The following SRBD1 variants were observed in gnomAD, a reference collection of about 807,000 sequenced individuals.
SRBD1 encodes the protein S1 RNA binding domain 1.
Under a neutral mutation model 115.3 loss-of-function variants are expected in SRBD1, and 88 were observed. That is an observed-to-expected ratio of 0.76 (90% confidence interval 0.64 to 0.91). The LOEUF is 0.91. SRBD1 is among the 40% of genes least tolerant of loss of function. The pLI is 0.00. For synonymous variants in SRBD1, 509 were observed against 407.7 expected, an observed-to-expected ratio of 1.25 and a Z score of -2.99; for missense variants, 1,385 against 1,177.4, an observed-to-expected ratio of 1.18 and a Z score of -2.58.
chr2:45,522,122 A>C (rs1191555836), intron 14 of SRBD1, among the ~76,000 whole-genome samples: 2 of 152,210 alleles, frequency 1.3e-5, no homozygotes, highest in Non-Finnish European at 2.9e-5. Flanking sequence ...TGGATAAACA[A>C]AATATCGTAT....
At chr2:45,509,938 T>C (rs548706421) in intron 14 of SRBD1, among the ~76,000 whole-genome samples, 18 of 152,276 alleles carry the variant, frequency 1.2e-4, no homozygotes, top group Non-Finnish European at 2.4e-4. Context: ...TCTCACTACG[T>C]TGCCCAGGCT....
intron 4 of SRBD1, among the ~76,000 whole-genome samples, chr2:45,595,926 C>G (rs531008907): frequency 6.6e-6 from 1 of 152,254 alleles, no homozygotes; most frequent in Non-Finnish European, 1.5e-5. Context: ...AACCACTTCC[C>G]AATTCACAGG....
rs3064241 is a variant in SRBD1, at chr2:45,550,493, C to CAAAA, written c.1675+628_1675+631dup. On this transcript the variant is annotated intron_variant, in intron 12 of 20. Transcript: ENST00000263736. ...ACTTCTCAACAAAAATTACAGTAGC[C>CAAAA]AAAAAAAAAAAAAAGAATGACATCT... is the stretch of plus-strand genomic sequence containing the variant. 9.1e-3 allele frequency among the ~76,000 whole-genome samples: 1,234 copies of CAAAA among 135,652 alleles called. 24 individuals carry two copies. The highest frequency in any genetic ancestry group is 0.031 in the African/African-American group (1,139 of 36,702). 89.0% of individuals were successfully genotyped at this position (135,652 alleles called of 152,430 possible).
At chr2:45,485,896 A>G (rs548737549) in intron 15 of SRBD1, among the ~76,000 whole-genome samples, 3 of 152,326 alleles carry the variant, frequency 2.0e-5, no homozygotes, top group East Asian at 3.9e-4. Context: ...AGAGACTCCA[A>G]GCTCTTTGAA....
intron 16 of SRBD1, among the ~76,000 whole-genome samples, chr2:45,428,726 A>C (rs892747076): frequency 1.3e-5 from 2 of 152,152 alleles, no homozygotes; most frequent in African/African-American, 4.8e-5. Context: ...AAGATCTAAA[A>C]TTGACACTCT....
intron 14 of SRBD1, among the ~76,000 whole-genome samples, chr2:45,495,269 T>G (rs1253386641): frequency 6.6e-6 from 1 of 152,194 alleles, no homozygotes; most frequent in East Asian, 1.9e-4. Context: ...ATTTTGGGGT[T>G]CCAAACTTCA....
At chr2:45,409,772 TTG>T (rs1168009426) in intron 19 of SRBD1, among the ~76,000 whole-genome samples, 3 of 152,112 alleles carry the variant, frequency 2.0e-5, no homozygotes, top group Non-Finnish European at 4.4e-5. Context: ...TACAATAGTG[TTG>T]AAAAACATAT....
chr2:45,554,622 GA>G (rs971746502), intron 10 of SRBD1, among the ~76,000 whole-genome samples: 1 of 152,164 alleles, frequency 6.6e-6, no homozygotes. Flanking sequence ...GGAAAGAATA[GA>G]AGAGAAAATC....
chr2:45,414,874 T>A (rs536466375), intron 18 of SRBD1, among the ~76,000 whole-genome samples: 1 of 135,720 alleles, frequency 7.4e-6, no homozygotes, highest in Non-Finnish European at 1.6e-5. Flanking sequence ...GTACACACAA[T>A]ATAGTGTGTA....
At chr2:45,508,046 C>T (rs1233715050) in intron 14 of SRBD1, among the ~76,000 whole-genome samples, 1 of 152,018 alleles carries the variant, frequency 6.6e-6, no homozygotes, top group African/African-American at 2.4e-5. Context: ...AAAGCCTGAC[C>T]GATAGATATT....
chr2:45,564,598 G>A (rs1263231389), intron 9 of SRBD1, among the ~76,000 whole-genome samples: 1 of 152,082 alleles, frequency 6.6e-6, no homozygotes. Flanking sequence ...ATACATACTA[G>A]CAATAAACAT....
intron 16 of SRBD1, among the ~76,000 whole-genome samples, chr2:45,461,499 G>C (rs958686830): frequency 6.6e-6 from 1 of 152,104 alleles, no homozygotes; most frequent in East Asian, 1.9e-4. Flanking sequence ...GGCTGTTTAT[G>C]AGTATACAAC....
intron 4 of SRBD1, among the ~76,000 whole-genome samples, chr2:45,589,326 TA>T (rs1397265016): frequency 1.3e-5 from 2 of 151,978 alleles, no homozygotes; most frequent in Non-Finnish European, 2.9e-5. Flanking sequence ...TCCAAATAAG[TA>T]AAAATAAAAC....
chr2:45,580,046 GT>G (rs780904569), intron 6 of SRBD1, 33 bp from the exon 7 acceptor site: 1 of 1,440,408 alleles, frequency 6.9e-7, no homozygotes, highest in Non-Finnish European at 9.2e-7. Context: ...ATATGATTAT[GT>G]TTTAAAAAAA....
At chr2:45,567,225 T>TA (rs1438619500) in intron 9 of SRBD1, among the ~76,000 whole-genome samples, 1 of 152,178 alleles carries the variant, frequency 6.6e-6, no homozygotes, top group African/African-American at 2.4e-5. Flanking sequence ...GTCAGAGTTT[T>TA]AAAAAAATTA....
chr2:45,401,444 T>G (rs1005239899), intron 19 of SRBD1, among the ~76,000 whole-genome samples: 10 of 152,214 alleles, frequency 6.6e-5, no homozygotes, highest in African/African-American at 2.4e-4. Flanking sequence ...ATACACATCT[T>G]ACATTATCAT....
chr2:45,541,711 T>C (rs1424641681), intron 14 of SRBD1, among the ~76,000 whole-genome samples: 2 of 152,140 alleles, frequency 1.3e-5, no homozygotes, highest in African/African-American at 4.8e-5. Flanking sequence ...AGATGGGCAG[T>C]GGGTAGCCCC....
chr2:45,451,394 G>T (rs1668988642), intron 16 of SRBD1, among the ~76,000 whole-genome samples: 2 of 151,982 alleles, frequency 1.3e-5, no homozygotes, highest in Admixed American at 1.3e-4. Flanking sequence ...AAAATACTGT[G>T]CATTAATATT....
chr2:45,431,543 C>T (rs1017277472), intron 16 of SRBD1, among the ~76,000 whole-genome samples: 7 of 152,118 alleles, frequency 4.6e-5, no homozygotes, highest in Non-Finnish European at 1.5e-5. Context: ...CCAAACACCA[C>T]ATGTTCTCAC....
Sources: gnomAD v4.1 joint callset for allele counts (sites outside exome capture counted in the v4.1 genomes callset) on GRCh38, gnomAD v4.1.1 for gene constraint, MANE v1.5 for transcripts, NCBI Gene and HGNC (gene_info 2026-07-23, HGNC 2026-07-21) for gene names.